The following SLC26A7 variants were observed in gnomAD, a reference collection of about 807,000 sequenced individuals.
SLC26A7 encodes solute carrier family 26 member 7.
A neutral mutation model predicts 82.5 loss-of-function variants in SLC26A7; 59 were observed. The observed-to-expected ratio is 0.72, with a 90% confidence interval of 0.58 to 0.89. The LOEUF is 0.89. SLC26A7 is among the 40% of genes least tolerant of loss of function. The pLI, the probability that SLC26A7 is intolerant of heterozygous loss-of-function variation, is 0.00. For missense variants in SLC26A7, 820 were observed against 793.0 expected (o/e 1.03, Z -0.41); for synonymous variants, 271 against 274.3 (o/e 0.99, Z 0.12).
At chr8:91,344,751 G>C (rs1813514916) in intron 9 of SLC26A7, among the ~76,000 whole-genome samples, 1 of 152,134 alleles carries the variant, frequency 6.6e-6, no homozygotes, top group South Asian at 2.1e-4. Flanking sequence ...TAATCTGACA[G>C]ATTTTTACAC....
chr8:91,369,760 T>C, intron 14 of SLC26A7, 25 bp from the exon 15 acceptor site: 1 of 1,522,770 alleles, frequency 6.6e-7, no homozygotes, highest in South Asian at 1.3e-5. Flanking sequence ...AACATTTTTC[T>C]TCTTTATGTT....
At chr8:91,294,395 A>G (rs1278333956) in intron 3 of SLC26A7, among the ~76,000 whole-genome samples, 1 of 152,064 alleles carries the variant, frequency 6.6e-6, no homozygotes, top group Non-Finnish European at 1.5e-5. Flanking sequence ...TTCTGAATCC[A>G]TAGCATGTAC....
chr8:91,355,156 T>A (rs1813827407), intron 11 of SLC26A7, among the ~76,000 whole-genome samples: 1 of 152,074 alleles, frequency 6.6e-6, no homozygotes, highest in African/African-American at 2.4e-5. Flanking sequence ...GTCAACGTAA[T>A]TTTTTTGTTG....
chr8:91,213,802 G>A (rs1809982049), intron 1 of SLC26A7, among the ~76,000 whole-genome samples: 1 of 152,108 alleles, frequency 6.6e-6, no homozygotes, highest in African/African-American at 2.4e-5. Context: ...TTTAGGAGAA[G>A]AGAATGGTAA....
intron 3 of SLC26A7, among the ~76,000 whole-genome samples, chr8:91,294,899 A>G (rs748319965): frequency 4.6e-5 from 7 of 152,228 alleles, no homozygotes; most frequent in Non-Finnish European, 8.8e-5. Flanking sequence ...TAATAAAAAT[A>G]TACTCTGCTA....
At chr8:91,377,022 A>G (rs1401973904) in intron 15 of SLC26A7, among the ~76,000 whole-genome samples, 1 of 152,122 alleles carries the variant, frequency 6.6e-6, no homozygotes, top group East Asian at 1.9e-4. Context: ...CACCTTCCCC[A>G]GTCCAGAGCA....
At chr8:91,232,040 G>T (rs1228529927) in intron 2 of SLC26A7, among the ~76,000 whole-genome samples, 1 of 152,126 alleles carries the variant, frequency 6.6e-6, no homozygotes, top group Admixed American at 6.5e-5. Flanking sequence ...GACTACCTAA[G>T]ATTTTCAAGC....
At chr8:91,383,966 T>G (rs1814731796) in intron 15 of SLC26A7, among the ~76,000 whole-genome samples, 2 of 152,238 alleles carry the variant, frequency 1.3e-5, no homozygotes, top group Admixed American at 6.5e-5. Context: ...ACATGAATTC[T>G]GCCATCATAG....
At position 91,396,456 on chromosome 8, in the gene SLC26A7, C is replaced by T. The variant is rs1245790068; in HGVS notation, c.*1359C>T. On this transcript the variant is annotated 3_prime_UTR_variant, in exon 19 of 19. Coordinates refer to ENST00000276609, the MANE Select transcript of SLC26A7 (RefSeq NM_052832.4). The stretch of plus-strand genomic sequence containing the variant: ...CATCTATAAAAGTAAATTCTAGTGC[C>T]TGCCAAGTGATGGATTATAATGGTC... 6.6e-6 allele frequency: 1 copy of T among 151,936 alleles called. No individual in the cohort carries two copies. 9.4% of individuals were successfully genotyped at this position (151,936 alleles called of 1,614,324 possible).
intron 2 of SLC26A7, among the ~76,000 whole-genome samples, chr8:91,263,688 C>T (rs1246002232): frequency 6.6e-6 from 1 of 152,008 alleles, no homozygotes; most frequent in East Asian, 1.9e-4. Context: ...TCGTGTAAGA[C>T]TTAAACAACA....
At chr8:91,319,133 G>A (rs1586404347) in intron 5 of SLC26A7, among the ~76,000 whole-genome samples, 1 of 152,196 alleles carries the variant, frequency 6.6e-6, no homozygotes, top group East Asian at 1.9e-4. Context: ...TCAATGAATG[G>A]AGTATGGTAA....
intron 2 of SLC26A7, among the ~76,000 whole-genome samples, chr8:91,253,516 C>CA (rs1260702646): frequency 6.6e-6 from 1 of 151,948 alleles, no homozygotes. Context: ...CCAGAATAAT[C>CA]ACAAAAATCT....
chr8:91,221,817 T>C (rs2130664197), intron 2 of SLC26A7, among the ~76,000 whole-genome samples: 1 of 152,348 alleles, frequency 6.6e-6, no homozygotes, highest in East Asian at 1.9e-4. Context: ...TGCCTGTAGC[T>C]TTGTTCTTTT....
chr8:91,305,050 A>G (rs777632435), intron 4 of SLC26A7, among the ~76,000 whole-genome samples: 3 of 152,188 alleles, frequency 2.0e-5, no homozygotes, highest in Non-Finnish European at 4.4e-5. Flanking sequence ...TGAATCTACC[A>G]GGAAATATTT....
intron 2 of SLC26A7, among the ~76,000 whole-genome samples, chr8:91,244,239 G>A (rs959487929): frequency 6.6e-6 from 1 of 152,102 alleles, no homozygotes; most frequent in Non-Finnish European, 1.5e-5. Context: ...AGTCAGAAAT[G>A]AGACAAGGCT....
chr8:91,272,076 T>C lies in SLC26A7; in HGVS notation c.194-17060T>C, dbSNP rs111764985. On this transcript the variant is annotated intron_variant, in intron 2 of 18. Coordinates refer to ENST00000276609, the MANE Select transcript of SLC26A7 (RefSeq NM_052832.4). The stretch of plus-strand genomic sequence containing the variant: ...TAACACTGTTGGGTTGTTACTGGCC[T>C]CTGTAATGAACTTCTTAGTTTGATT... Among the ~76,000 whole-genome samples the C allele has an allele frequency of 2.6e-3, 389 of 152,350 alleles. 2 individuals are homozygous for C. The highest frequency in any genetic ancestry group is 8.7e-3 in the African/African-American group (360 of 41,590).
intron 4 of SLC26A7, among the ~76,000 whole-genome samples, chr8:91,310,256 C>G (rs1483786497): frequency 6.6e-6 from 1 of 152,120 alleles, no homozygotes; most frequent in Non-Finnish European, 1.5e-5. Context: ...GTCAAAGACC[C>G]CAATTTTTTT....
At chr8:91,275,017 G>T (rs886396722) in intron 2 of SLC26A7, among the ~76,000 whole-genome samples, 4 of 152,018 alleles carry the variant, frequency 2.6e-5, no homozygotes, top group Non-Finnish European at 5.9e-5. Context: ...AACATCTGCA[G>T]GTACTCTATG....
At position 91,219,023 on chromosome 8, in the gene SLC26A7, A is replaced by G. The variant is rs1810111280; in HGVS notation, c.-34+18A>G. The stretch of plus-strand genomic sequence containing the variant: ...TAGAACAGGTGAGGTGCTCATTCAT[A>G]GCCTCACTCCACTTGCCCTGTCAGC... On this transcript the variant is annotated intron_variant, in intron 2 of 5. Transcript: ENST00000522862. 5 of 1,341,102 alleles carry G rather than the reference A, an allele frequency of 3.7e-6. No individual in the cohort carries two copies. In the Admixed American group the frequency reaches 1.0e-4, roughly 27 times the overall value. The allele number at this position is 1,341,102 out of a possible 1,614,324, so 83.1% of individuals were successfully genotyped here.
Sources: gnomAD v4.1 joint callset for allele counts (sites outside exome capture counted in the v4.1 genomes callset) on GRCh38, gnomAD v4.1.1 for gene constraint, MANE v1.5 for transcripts, NCBI Gene and HGNC (gene_info 2026-07-23, HGNC 2026-07-21) for gene names.